Variants in CCSER1 observed in about 807,000 individuals in gnomAD.
CCSER1 encodes serine-rich coiled-coil domain-containing protein 1.
A neutral mutation model predicts 82.0 loss-of-function variants in CCSER1; 41 were observed. The ratio of observed to expected loss-of-function variants is 0.50; its 90% confidence interval spans 0.39 to 0.65. The LOEUF (loss-of-function observed/expected upper bound fraction) is 0.65. Ranked by LOEUF, CCSER1 falls within the 30% of genes least tolerant of loss-of-function variation. The pLI is 0.00. For synonymous variants in CCSER1, 414 were observed against 383.9 expected, an observed-to-expected ratio of 1.08 and a Z score of -0.92; for missense variants, 1,119 against 1,064.2, an observed-to-expected ratio of 1.05 and a Z score of -0.72.
intron 5 of CCSER1, among the ~76,000 whole-genome samples, chr4:90,614,127 TTATTA>T (rs1384093462): frequency 1.4e-5 from 2 of 148,138 alleles, no homozygotes; most frequent in Admixed American, 6.6e-5. Context: ...AACTTTTTCA[TTATTA>T]TATTAGTTAT....
chr4:90,823,812 C>T (rs976262230), intron 8 of CCSER1, among the ~76,000 whole-genome samples: 7 of 151,674 alleles, frequency 4.6e-5, no homozygotes, highest in Non-Finnish European at 4.4e-5. Context: ...ACATCAAGAG[C>T]GTGATTTAGT....
At chr4:90,915,601 G>C (rs991298249) in intron 8 of CCSER1, among the ~76,000 whole-genome samples, 3 of 152,066 alleles carry the variant, frequency 2.0e-5, no homozygotes, top group African/African-American at 7.2e-5. Context: ...TTGAAAACTG[G>C]CACAAGACAG....
intron 5 of CCSER1, among the ~76,000 whole-genome samples, chr4:90,617,642 C>T (rs948004419): frequency 4.6e-5 from 7 of 152,078 alleles, no homozygotes; most frequent in Non-Finnish European, 8.8e-5. Flanking sequence ...ACTTATCTAA[C>T]CTTATGATTT....
intron 7 of CCSER1, among the ~76,000 whole-genome samples, chr4:90,728,570 C>A (rs1194312305): frequency 6.6e-6 from 1 of 152,038 alleles, no homozygotes; most frequent in Non-Finnish European, 1.5e-5. Context: ...TGTAGTGGCT[C>A]ACCCCTCTAA....
At chr4:91,202,361 T>C (rs187842817) in intron 10 of CCSER1, among the ~76,000 whole-genome samples, 19 of 152,112 alleles carry the variant, frequency 1.2e-4, no homozygotes, top group Non-Finnish European at 2.5e-4. Flanking sequence ...CCTCCCTCTT[T>C]TAGTCCACGT....
chr4:90,918,466 A>G, intron 8 of CCSER1: 2 of 328,354 alleles, frequency 6.1e-6, no homozygotes, highest in Non-Finnish European at 1.2e-5. Context: ...CTTCATTTTA[A>G]AAGCCAGTTG....
At chr4:91,315,291 A>G (rs1487189965) in intron 10 of CCSER1, among the ~76,000 whole-genome samples, 2 of 151,928 alleles carry the variant, frequency 1.3e-5, no homozygotes, top group African/African-American at 2.4e-5. Context: ...AGCCCCATAC[A>G]TTCAAATGGT....
intron 10 of CCSER1, among the ~76,000 whole-genome samples, chr4:91,473,064 G>C (rs1246263005): frequency 2.6e-5 from 4 of 152,194 alleles, no homozygotes; most frequent in Non-Finnish European, 4.4e-5. Context: ...CATATTCTGT[G>C]TGTTCCGCCA....
intron 7 of CCSER1, chr4:90,725,026 G>T (rs996373143): frequency 4.6e-6 from 2 of 437,474 alleles, no homozygotes; most frequent in Admixed American, 2.4e-5. Flanking sequence ...TTGTTAGAAG[G>T]CCCTTTCTAT....
chr4:91,127,193 T>C lies in CCSER1; in HGVS notation c.2217+41199T>C, dbSNP rs555848634. On this transcript the variant is annotated intron_variant, in intron 10 of 10. Coordinates refer to ENST00000509176, the MANE Select transcript of CCSER1 (RefSeq NM_001145065.2). ...TCTGTAAATACTCCACAAATCCCTG[T>C]GATAGTGGTGGAATTCTGAATGCCT... Among the ~76,000 whole-genome samples the C allele has an allele frequency of 3.3e-5, 5 of 152,112 alleles. No homozygotes were observed. The South Asian group carries it at 6.2e-4, about 19-fold the overall frequency.
At chr4:91,533,707 G>C (rs1032443532) in intron 10 of CCSER1, among the ~76,000 whole-genome samples, 6 of 151,698 alleles carry the variant, frequency 4.0e-5, no homozygotes, top group African/African-American at 1.2e-4. Flanking sequence ...TGAGTTCTGT[G>C]TGTATATCAG....
chr4:90,298,059 G>A (rs1732339733), intron 1 of CCSER1, among the ~76,000 whole-genome samples: 1 of 152,100 alleles, frequency 6.6e-6, no homozygotes, highest in East Asian at 1.9e-4. Flanking sequence ...AATAGTTTCA[G>A]GAGGAATGGT....
intron 1 of CCSER1, among the ~76,000 whole-genome samples, chr4:90,285,037 T>C (rs369604553): frequency 1.1e-4 from 16 of 152,222 alleles, no homozygotes; most frequent in African/African-American, 3.4e-4. Context: ...TTGGGGGTTA[T>C]TGTAGCTCTT....
chr4:90,541,878 G>A (rs1416508281), intron 5 of CCSER1, among the ~76,000 whole-genome samples: 1 of 151,918 alleles, frequency 6.6e-6, no homozygotes, highest in African/African-American at 2.4e-5. Context: ...GGTTTAAAAT[G>A]TATTCAACAA....
chr4:90,791,065 A>C (rs1755159526), intron 7 of CCSER1, among the ~76,000 whole-genome samples: 2 of 152,174 alleles, frequency 1.3e-5, no homozygotes, highest in African/African-American at 4.8e-5. Context: ...GGGAACTTAC[A>C]GGCATGGCAG....
At chr4:90,421,748 C>T (rs368241771) in intron 4 of CCSER1, among the ~76,000 whole-genome samples, 7 of 151,928 alleles carry the variant, frequency 4.6e-5, no homozygotes, top group Non-Finnish European at 7.4e-5. Flanking sequence ...GTAGGATTGG[C>T]GGAAACAGTG....
At chr4:90,189,590 CGTT>C (rs1431604591) in intron 1 of CCSER1, among the ~76,000 whole-genome samples, 7 of 151,392 alleles carry the variant, frequency 4.6e-5, no homozygotes, top group Non-Finnish European at 8.8e-5. Flanking sequence ...ACCATAGAGA[CGTT>C]GTGTTTAATA....
At chr4:91,363,026 C>T (rs1200857214) in intron 10 of CCSER1, among the ~76,000 whole-genome samples, 1 of 151,724 alleles carries the variant, frequency 6.6e-6, no homozygotes, top group African/African-American at 2.4e-5. Flanking sequence ...GGATTGCTGG[C>T]TTAGGCTCCC....
chr4:91,517,745 C>CGTGTGTGTGTGT (rs71579530), intron 10 of CCSER1, among the ~76,000 whole-genome samples: 1 of 121,086 alleles, frequency 8.3e-6, no homozygotes, highest in Non-Finnish European at 1.8e-5. Flanking sequence ...AGTTCTTTCT[C>CGTGTGTGTGTGT]GTGTGTGTGT....
Sources: gnomAD v4.1 joint callset for allele counts (sites outside exome capture counted in the v4.1 genomes callset) on GRCh38, gnomAD v4.1.1 for gene constraint, MANE v1.5 for transcripts, NCBI Gene and HGNC (gene_info 2026-07-23, HGNC 2026-07-21) for gene names.